KPNA1: variants seen among roughly 807,000 people sequenced by gnomAD.
KPNA1 encodes the protein importin subunit alpha-5.
In KPNA1, 10 loss-of-function variants were observed where a neutral mutation model predicts 70.5. That is an observed-to-expected ratio of 0.14 (90% CI 0.09 to 0.24). The LOEUF (loss-of-function observed/expected upper bound fraction) is 0.24, where lower values mean the gene tolerates loss of function less well. Among genes scored for constraint, KPNA1 ranks in the 10% least tolerant of loss-of-function variants. KPNA1 has a pLI of 1.00. For missense variants in KPNA1, 397 were observed against 637.9 expected (o/e 0.62, Z 4.07); for synonymous variants, 192 against 221.9 (o/e 0.87, Z 1.20).
intron 1 of KPNA1, among the ~76,000 whole-genome samples, chr3:122,503,602 A>G (rs1399477461): frequency 6.6e-6 from 1 of 152,224 alleles, no homozygotes; most frequent in Non-Finnish European, 1.5e-5. Flanking sequence ...GGACATAATG[A>G]TACCTCATAA....
chr3:122,460,901 C>T (rs556138210), intron 5 of KPNA1, among the ~76,000 whole-genome samples: 2 of 152,214 alleles, frequency 1.3e-5, no homozygotes, highest in South Asian at 4.2e-4. Flanking sequence ...TCTAAAACTC[C>T]CTCAACACCA....
intron 12 of KPNA1, among the ~76,000 whole-genome samples, chr3:122,430,655 A>G (rs900035269): frequency 6.6e-6 from 1 of 152,096 alleles, no homozygotes; most frequent in Non-Finnish European, 1.5e-5. Context: ...AGACCCACAC[A>G]AAAAGAATAG....
chr3:122,427,232 A>G lies in KPNA1; in HGVS notation c.1430-60T>C, dbSNP rs543672350. 9 of 1,207,456 alleles carry G rather than the reference A, an allele frequency of 7.5e-6. 1 individual carries two copies. The highest frequency in any genetic ancestry group is 5.4e-5 in the South Asian group (4 of 74,044). 74.8% of individuals were successfully genotyped at this position (1,207,456 alleles called of 1,614,324 possible). A position where few individuals can be genotyped will look rare whatever the true frequency, so the allele number is the denominator to read the frequency against. On this transcript the variant is annotated intron_variant, in intron 13 of 13. Coordinates refer to ENST00000344337, the MANE Select transcript of KPNA1 (RefSeq NM_002264.4). The stretch of plus-strand genomic sequence containing the variant: ...AACTTCAATAAATATTGGAAATTCC[A>G]TAACTATATATTCCTAAACTATATT...
chr3:122,452,528 AGGAGGGAAGGAGGGAAGGAGGGAG>A (rs1560028372), intron 6 of KPNA1, among the ~76,000 whole-genome samples: 3 of 54,968 alleles, frequency 5.5e-5, no homozygotes, highest in Non-Finnish European at 7.2e-5. Flanking sequence ...GAAGGAGGGA[AGGAGGGAAGGAGGGAAGGAGGGAG>A]GGAGGGAGGG....
chr3:122,471,865 A>G (rs2076446416), intron 2 of KPNA1, among the ~76,000 whole-genome samples: 1 of 152,234 alleles, frequency 6.6e-6, no homozygotes, highest in South Asian at 2.1e-4. Flanking sequence ...ATCAAGGATA[A>G]CTTTTATCAA....
At position 122,496,729 on chromosome 3, in the gene KPNA1, G is replaced by A. The variant is rs537469418; in HGVS notation, c.-5-159C>T. ...CCACTCCTGTCTTTTTTGAGACAAG[G>A]TCTTGCTCTGTCCACCCGGACTGGA... is the stretch of plus-strand genomic sequence containing the variant. On this transcript the variant is annotated intron_variant, in intron 1 of 13. Transcript: ENST00000344337. 7.1e-6 allele frequency: 4 copies of A among 562,372 alleles called. No homozygotes were observed. The South Asian group carries it at 9.0e-5, about 13-fold the overall frequency. The allele number at this position is 562,372 out of a possible 1,614,324, so 34.8% of individuals were successfully genotyped here. A position where few individuals can be genotyped will look rare whatever the true frequency, so the allele number is the denominator to read the frequency against.
intron 1 of KPNA1, among the ~76,000 whole-genome samples, chr3:122,509,734 T>G (rs1255365000): frequency 6.6e-6 from 1 of 152,054 alleles, no homozygotes; most frequent in African/African-American, 2.4e-5. Flanking sequence ...GCTCAGAAAT[T>G]TAAGATAAAA....
intron 6 of KPNA1, 28 bp from the exon 7 acceptor site, chr3:122,452,092 G>A (rs770037494): frequency 7.0e-7 from 1 of 1,425,374 alleles, no homozygotes; most frequent in Admixed American, 1.7e-5. Context: ...ATTAATAAAG[G>A]TTACATAGTT....
At chr3:122,502,333 T>C (rs1477485033) in intron 1 of KPNA1, among the ~76,000 whole-genome samples, 1 of 152,200 alleles carries the variant, frequency 6.6e-6, no homozygotes, top group East Asian at 1.9e-4. Flanking sequence ...TTATAGTGCC[T>C]TTTAGGAGGC....
intron 11 of KPNA1, among the ~76,000 whole-genome samples, chr3:122,434,301 T>C (rs962091067): frequency 1.6e-4 from 24 of 152,230 alleles, no homozygotes; most frequent in African/African-American, 5.8e-4. Flanking sequence ...TATGATCTTA[T>C]AATCTCCTAT....
At chr3:122,455,496 A>T (rs1031170921) in intron 5 of KPNA1, among the ~76,000 whole-genome samples, 2 of 152,148 alleles carry the variant, frequency 1.3e-5, no homozygotes, top group South Asian at 4.1e-4. Flanking sequence ...TGAAAGCAAC[A>T]CTCAGTCCCT....
At chr3:122,429,426 G>A (rs569528614) in intron 12 of KPNA1, among the ~76,000 whole-genome samples, 31 of 101,986 alleles carry the variant, frequency 3.0e-4, no homozygotes, top group Middle Eastern at 0.014. Context: ...CAGCCTGGGC[G>A]AAAGAGCGAA....
intron 2 of KPNA1, among the ~76,000 whole-genome samples, chr3:122,490,193 CTT>C (rs1454966838): frequency 6.6e-6 from 1 of 152,254 alleles, no homozygotes; most frequent in African/African-American, 2.4e-5. Flanking sequence ...GGTCTCTCTT[CTT>C]TGATATTCCA....
At chr3:122,433,528 A>G (rs2075942157) in intron 12 of KPNA1, 133 bp downstream of exon 12, 4 of 635,896 alleles carry the variant, frequency 6.3e-6, no homozygotes, top group Non-Finnish European at 1.0e-5. Flanking sequence ...ATTTGGTAAG[A>G]TCGTCTCTCA....
intron 9 of KPNA1, among the ~76,000 whole-genome samples, chr3:122,446,647 C>T (rs1470836376): frequency 1.3e-5 from 2 of 152,016 alleles, no homozygotes; most frequent in African/African-American, 4.8e-5. Context: ...CAAAAGTTAG[C>T]AGAAGGCAAG....
At chr3:122,474,468 C>T (rs2076476023) in intron 2 of KPNA1, among the ~76,000 whole-genome samples, 1 of 152,024 alleles carries the variant, frequency 6.6e-6, no homozygotes, top group Admixed American at 6.5e-5. Flanking sequence ...ATGGTATTGG[C>T]AAAAGACTAG....
rs763712749 is a variant in KPNA1 at position 122,437,315 on chromosome 3, A to T, written c.997-20T>A. Reference sequence around the variant, plus strand: ...AATTACCTAAAAGAAAAAGTTTGAAAATTTTACTTATTGTATTGTTCTAAA... The same window carrying T: ...AATTACCTAAAAGAAAAAGTTTGAATATTTTACTTATTGTATTGTTCTAAA... On this transcript the variant is annotated intron_variant, in intron 10 of 13. Coordinates refer to ENST00000344337, the MANE Select transcript of KPNA1 (RefSeq NM_002264.4). 1 of 1,566,734 alleles carries T rather than the reference A, an allele frequency of 6.4e-7. No individual in the cohort carries two copies. Among genetic ancestry groups the T allele is most frequent in the East Asian group, 2.3e-5 (1 of 44,106 alleles).
intron 1 of KPNA1, among the ~76,000 whole-genome samples, chr3:122,507,559 T>C (rs1162312844): frequency 1.3e-5 from 2 of 152,050 alleles, no homozygotes; most frequent in East Asian, 1.9e-4. Context: ...GAAAAAAACT[T>C]TCAAAAAGTA....
chr3:122,480,078 T>C (rs1576326913), intron 2 of KPNA1, among the ~76,000 whole-genome samples: 1 of 152,164 alleles, frequency 6.6e-6, no homozygotes, highest in Non-Finnish European at 1.5e-5. Context: ...GGCATACACA[T>C]TGTATGATTC....
Sources: gnomAD v4.1 joint callset for allele counts (sites outside exome capture counted in the v4.1 genomes callset) on GRCh38, gnomAD v4.1.1 for gene constraint, MANE v1.5 for transcripts, NCBI Gene and HGNC (gene_info 2026-07-23, HGNC 2026-07-21) for gene names.